The following ATP2B2 variants were observed in gnomAD, a reference collection of about 807,000 sequenced individuals.
ATP2B2 encodes plasma membrane calcium-transporting ATPase 2.
ATP2B2 carries 15 observed loss-of-function variants against 120.0 expected under a neutral mutation model. The observed-to-expected ratio is 0.12, with a 90% CI of 0.08 to 0.19. The LOEUF (loss-of-function observed/expected upper bound fraction) is 0.19, where lower values mean the gene tolerates loss of function less well. Among genes scored for constraint, ATP2B2 ranks in the 10% least tolerant of loss-of-function variants. The pLI is 1.00. For missense variants in ATP2B2, 1,045 were observed against 1,719.8 expected (o/e 0.61, Z 6.94); for synonymous variants, 694 against 700.3 (o/e 0.99, Z 0.14).
chr3:10,383,956 C>T lies in ATP2B2; in HGVS notation c.1000+1312G>A, dbSNP rs190527553. ...TGCCCCCTCTAGGTTCCTTCTCTCT[C>T]AGCCATGGGTTTGCCCACATGGGTT... On this transcript the variant is annotated intron_variant, in intron 8 of 22. Coordinates refer to ENST00000360273, the MANE Select transcript of ATP2B2 (RefSeq NM_001001331.4). Among the ~76,000 whole-genome samples the T allele has an allele frequency of 2.6e-5, 4 of 152,300 alleles. No individual in the cohort carries two copies. The East Asian group carries it at 5.8e-4, about 22-fold the overall frequency.
chr3:10,426,406 C>T (rs2063146404), intron 2 of ATP2B2, among the ~76,000 whole-genome samples: 3 of 152,174 alleles, frequency 2.0e-5, no homozygotes, highest in South Asian at 4.1e-4. Flanking sequence ...TCCAAAGCAA[C>T]GTCTGCTCTA....
At chr3:10,491,741 C>A (rs748594417) in intron 1 of ATP2B2, among the ~76,000 whole-genome samples, 1 of 152,020 alleles carries the variant, frequency 6.6e-6, no homozygotes, top group African/African-American at 2.4e-5. Flanking sequence ...AGAAATGAAC[C>A]CCCTCCAAAC....
chr3:10,705,844 C>A (rs1266898511), intron 1 of ATP2B2, among the ~76,000 whole-genome samples: 1 of 152,220 alleles, frequency 6.6e-6, no homozygotes. Context: ...GTTGGACCTT[C>A]CTGGTTTATG....
intron 1 of ATP2B2, among the ~76,000 whole-genome samples, chr3:10,686,185 T>A (rs562125422): frequency 1.2e-4 from 18 of 151,992 alleles, no homozygotes; most frequent in African/African-American, 4.3e-4. Flanking sequence ...GCCTCTCTGA[T>A]AAAAGACAGC....
At chr3:10,617,425 C>T (rs1397570636) in intron 2 of ATP2B2, among the ~76,000 whole-genome samples, 17 of 152,186 alleles carry the variant, frequency 1.1e-4, no homozygotes, top group Admixed American at 1.1e-3. Flanking sequence ...AAGTGACAGC[C>T]ATCCCCGGCT....
chr3:10,493,906 G>T (rs984791279), intron 1 of ATP2B2, among the ~76,000 whole-genome samples: 3 of 152,182 alleles, frequency 2.0e-5, no homozygotes, highest in Non-Finnish European at 4.4e-5. Context: ...GGGGAAAAGG[G>T]TCAGTGTGAA....
At chr3:10,438,937 G>C (rs1163819394) in intron 2 of ATP2B2, among the ~76,000 whole-genome samples, 1 of 152,184 alleles carries the variant, frequency 6.6e-6, no homozygotes, top group African/African-American at 2.4e-5. Context: ...TGGGCTTCTG[G>C]GAGCTAGAGA....
intron 19 of ATP2B2, among the ~76,000 whole-genome samples, chr3:10,341,510 C>T (rs1358321125): frequency 6.6e-6 from 1 of 152,118 alleles, no homozygotes; most frequent in Non-Finnish European, 1.5e-5. Context: ...GGGGTTTCTC[C>T]ATGTTGGCCA....
chr3:10,471,401 T>TGTGTGCGTGCAC (rs1303067550), intron 1 of ATP2B2, among the ~76,000 whole-genome samples: 1 of 142,924 alleles, frequency 7.0e-6, no homozygotes, highest in Non-Finnish European at 1.5e-5. Context: ...TGTGTGTGTT[T>TGTGTGCGTGCAC]GTGTGCGTGC....
chr3:10,456,615 G>A (rs919285428), intron 1 of ATP2B2, among the ~76,000 whole-genome samples: 1 of 152,164 alleles, frequency 6.6e-6, no homozygotes, highest in South Asian at 2.1e-4. Flanking sequence ...GCCTCCAATC[G>A]CTCCCAGACC....
At chr3:10,659,430 G>C (rs1280817768) in intron 1 of ATP2B2, among the ~76,000 whole-genome samples, 1 of 152,150 alleles carries the variant, frequency 6.6e-6, no homozygotes, top group Non-Finnish European at 1.5e-5. Flanking sequence ...ACAAAAAAAG[G>C]CAGGGGTTGC....
At chr3:10,410,536 T>G in intron 3 of ATP2B2, 82 bp downstream of exon 3, 1 of 1,461,550 alleles carries the variant, frequency 6.8e-7, no homozygotes, top group Non-Finnish European at 9.3e-7. Context: ...AGAGGATTAT[T>G]TGTGTGAGCC....
chr3:10,367,033 G>A (rs2061081019), intron 12 of ATP2B2, among the ~76,000 whole-genome samples: 1 of 152,220 alleles, frequency 6.6e-6, no homozygotes, highest in South Asian at 2.1e-4. Flanking sequence ...TGCAGCCTCA[G>A]CCCTCACACC....
chr3:10,419,989 C>A (rs573998425), intron 2 of ATP2B2, among the ~76,000 whole-genome samples: 1 of 152,326 alleles, frequency 6.6e-6, no homozygotes, highest in African/African-American at 2.4e-5. Context: ...GACCTCGTGG[C>A]CCTGCTTCGT....
rs982513078 is a variant in ATP2B2, at chr3:10,346,342, C to T, written c.2405-205G>A. On this transcript the variant is annotated intron_variant, in intron 16 of 22. Coordinates refer to ENST00000360273, the MANE Select transcript of ATP2B2 (RefSeq NM_001001331.4). The surrounding 1 kb of genome is among the most constrained non-coding windows in gnomAD (Gnocchi z 4.1). ...AGTGGGCTCCTTACTGGGCTGGTGC[C>T]GACTTGGGGCCCCCTGTGGCCCGGG... Among the ~76,000 whole-genome samples the T allele has an allele frequency of 2.6e-5, 4 of 152,242 alleles. No homozygotes were observed. The highest frequency in any genetic ancestry group is 9.6e-5 in the African/African-American group (4 of 41,466).
intron 12 of ATP2B2, among the ~76,000 whole-genome samples, chr3:10,367,437 T>A (rs2125485988): frequency 6.6e-6 from 1 of 151,946 alleles, no homozygotes; most frequent in South Asian, 2.1e-4. Context: ...AAGGGGATGT[T>A]GAGGGTCAAG....
At chr3:10,349,343 T>C (rs1423780808) in intron 16 of ATP2B2, among the ~76,000 whole-genome samples, 1 of 152,126 alleles carries the variant, frequency 6.6e-6, no homozygotes, top group Admixed American at 6.5e-5. Flanking sequence ...TAGTCCTAGC[T>C]ACTTGGGAGG....
chr3:10,333,787 G>C (rs1284962130), intron 22 of ATP2B2, among the ~76,000 whole-genome samples: 2 of 152,214 alleles, frequency 1.3e-5, no homozygotes, highest in Non-Finnish European at 2.9e-5. Context: ...GGCCAACCCT[G>C]CCGGGTCCCC....
At chr3:10,515,820 G>A (rs574911210) in intron 3 of ATP2B2, among the ~76,000 whole-genome samples, 1 of 152,172 alleles carries the variant, frequency 6.6e-6, no homozygotes, top group South Asian at 2.1e-4. Flanking sequence ...GATACTGCCT[G>A]TAAAATACTT....
Sources: allele counts gnomAD v4.1 joint callset (sites outside exome capture counted in the v4.1 genomes callset), GRCh38; gene constraint gnomAD v4.1.1; non-coding constraint Gnocchi (gnomAD v3.1); transcripts MANE v1.5; gene names NCBI Gene and HGNC (gene_info 2026-07-23, HGNC 2026-07-21).